Variants in DNMBP observed in about 807,000 individuals in gnomAD.
DNMBP encodes dynamin-binding protein.
DNMBP carries 87 observed loss-of-function variants against 150.0 expected under a neutral mutation model. That is an observed-to-expected ratio of 0.58 (90% CI 0.49 to 0.69). The LOEUF is 0.69. DNMBP is among the 30% of genes least tolerant of loss of function. The probability of loss-of-function intolerance (pLI) is 0.00; values close to 1 mark genes in which losing one functional copy is unlikely to be tolerated. For synonymous variants in DNMBP, 711 were observed against 750.4 expected (o/e 0.95, Z 0.86); for missense variants, 1,774 against 1,949.0 (o/e 0.91, Z 1.69).
Position 99,995,072 on chromosome 10 carries a change from T to TTG in DNMBP, c.-11+14765_-11+14766insCA, listed in dbSNP as rs575533576. 2.3e-3 allele frequency among the ~76,000 whole-genome samples: 343 copies of TTG among 148,204 alleles called. 3 individuals are homozygous for TTG. In the East Asian group the frequency reaches 0.024, roughly 10 times the overall value. ...TTGAAAACAATTTTTTTTTTTTTTTTGAGACAGTCTCACTCTGTTGCCCAG... is the reference window on the plus strand; with the variant it reads ...TTGAAAACAATTTTTTTTTTTTTTTTTGGAGACAGTCTCACTCTGTTGCCCAG... On this transcript the variant is annotated intron_variant, in intron 1 of 16. Transcript: ENST00000324109.
At chr10:99,906,014 T>C (rs1483409122) in intron 6 of DNMBP, among the ~76,000 whole-genome samples, 1 of 152,182 alleles carries the variant, frequency 6.6e-6, no homozygotes, top group Admixed American at 6.5e-5. Context: ...GGGCTGTCTA[T>C]TGTAGAGAAC....
At chr10:99,951,993 C>A (rs1290869837) in intron 4 of DNMBP, among the ~76,000 whole-genome samples, 3 of 152,060 alleles carry the variant, frequency 2.0e-5, no homozygotes, top group Non-Finnish European at 4.4e-5. Flanking sequence ...TGGGAGGGAG[C>A]CGGTGGGAGA....
intron 4 of DNMBP, among the ~76,000 whole-genome samples, chr10:99,913,408 C>T (rs971168999): frequency 1.3e-5 from 2 of 152,154 alleles, no homozygotes; most frequent in Non-Finnish European, 1.5e-5. Context: ...AATATGCCAT[C>T]TGCACCTGAT....
At position 99,956,997 on chromosome 10, in the gene DNMBP, C is replaced by T. The variant is rs763612491; in HGVS notation, c.477G>A (p.Gln159=). ...CCCTGAAGTCCAGCTCTTCATCCAG[C>T]TGAGCAGAAAGCCCCATTAGGGCCC... ...QARALMGLSA[Q]LDEELDFREG... is the part of the protein sequence containing the mutation. Residue 159 remains glutamine (Q), a synonymous_variant, in exon 4 of 17, where the codon CAG becomes CAA. Transcript: ENST00000324109. The T allele has an allele frequency of 4.3e-6, 7 of 1,614,230 alleles. No homozygotes were observed. The Admixed American group carries it at 6.7e-5, about 15-fold the overall frequency.
In DNMBP at chr10:99,973,454, A is replaced by G. The variant is rs1377150367; in HGVS notation, c.-10-1320T>C. On this transcript the variant is annotated intron_variant, in intron 1 of 16. Transcript: ENST00000324109. The stretch of plus-strand genomic sequence containing the variant: ...GGTAATTTTAAAATACAATACTTTA[A>G]AAAGTAGAGATTTTAAATATGGCAT... Among the ~76,000 whole-genome samples, 5 of 152,342 alleles carry G rather than the reference A, an allele frequency of 3.3e-5. No homozygotes were observed. In the East Asian group the frequency reaches 9.6e-4, roughly 29 times the overall value.
intron 4 of DNMBP, among the ~76,000 whole-genome samples, chr10:99,923,223 T>A (rs2040042823): frequency 6.6e-6 from 1 of 152,102 alleles, no homozygotes; most frequent in Non-Finnish European, 1.5e-5. Flanking sequence ...ATCCCGTCTC[T>A]ACTAAAAATA....
intron 4 of DNMBP, among the ~76,000 whole-genome samples, chr10:99,915,706 C>A (rs1425426361): frequency 6.6e-6 from 1 of 152,130 alleles, no homozygotes; most frequent in African/African-American, 2.4e-5. Flanking sequence ...CAGAGTGAGA[C>A]CCTGTGTCAA....
chr10:99,888,945 T>C lies in DNMBP; in HGVS notation c.3165A>G (p.Ala1055=), dbSNP rs769792748. ...SLYLQHIRES[A]CVKVVAAVSM... is the part of the protein sequence containing the mutation. ...TCACAGCAGCCACCACTTTCACACATGCGGACTCCTGGAGCCAGTTAGGAC... is the reference window on the plus strand; with the variant it reads ...TCACAGCAGCCACCACTTTCACACACGCGGACTCCTGGAGCCAGTTAGGAC... The change falls in exon 12 of 17, where the codon GCA becomes GCG. Residue 1055 remains alanine, a synonymous_variant. Coordinates refer to ENST00000324109, the MANE Select transcript of DNMBP (RefSeq NM_015221.4). 28 of 1,614,000 alleles carry C rather than the reference T, an allele frequency of 1.7e-5. No individual in the cohort carries two copies. Among genetic ancestry groups the C allele is most frequent in the Middle Eastern group, 3.3e-4 (2 of 6,084 alleles).
At chr10:99,898,648 T>C in intron 8 of DNMBP, 95 bp downstream of exon 8, 1 of 1,351,006 alleles carries the variant, frequency 7.4e-7, no homozygotes, top group South Asian at 1.2e-5. Context: ...CTTCTAGGTT[T>C]GTCTATAAAG....
intron 1 of DNMBP, among the ~76,000 whole-genome samples, chr10:99,998,380 C>A (rs973826148): frequency 4.6e-5 from 7 of 151,854 alleles, no homozygotes; most frequent in Admixed American, 4.6e-4. Context: ...GAGTTTGAAA[C>A]CACCCTGGGC....
At position 99,943,573 on chromosome 10, in the gene DNMBP, T is replaced by C. The variant is rs377747512; in HGVS notation, c.2260+11641A>G. ...GTACACCACCATATCCAGCTATTTT[T>C]GTATTTCTTTTAGGAACGGGGTCTC... is the stretch of plus-strand genomic sequence containing the variant. On this transcript the variant is annotated intron_variant, in intron 4 of 16. Coordinates refer to ENST00000324109, the MANE Select transcript of DNMBP (RefSeq NM_015221.4). Among the ~76,000 whole-genome samples, 59 of 152,288 alleles carry C rather than the reference T, an allele frequency of 3.9e-4. No homozygotes were observed. The East Asian group carries it at 8.5e-3, about 22-fold the overall frequency.
chr10:99,952,676 T>C (rs2040438157), intron 4 of DNMBP, among the ~76,000 whole-genome samples: 2 of 152,222 alleles, frequency 1.3e-5, no homozygotes, highest in Admixed American at 6.5e-5. Context: ...TGCATAATAG[T>C]CCTTTCCTAA....
intron 4 of DNMBP, among the ~76,000 whole-genome samples, chr10:99,929,352 C>T (rs889999031): frequency 3.3e-5 from 5 of 151,952 alleles, no homozygotes; most frequent in Non-Finnish European, 7.4e-5. Context: ...TCTGAAAAAA[C>T]CAGGAAGCGT....
Position 99,955,909 on chromosome 10 carries a change from T to C in DNMBP, c.1565A>G (p.Glu522Gly). Residue 522 changes from glutamate to glycine, a missense_variant, in exon 4 of 17, where the codon GAG becomes GGG. By Grantham distance (98) the Glu-to-Gly change is moderately conservative (BLOSUM62 -2). Around this residue, in one of 2 missense-constraint regions of DNMBP, gnomAD observed 1,430 missense variants for 1,492.5 expected, o/e 0.96. Coordinates refer to ENST00000324109, the MANE Select transcript of DNMBP (RefSeq NM_015221.4). Reference protein sequence around the residue: ...SSVYSISERLEMKPGPQAQGL... With the variant: ...SSVYSISERLGMKPGPQAQGL... The stretch of plus-strand genomic sequence containing the variant: ...TTGGGCTTGCGGACCAGGCTTCATC[T>C]CCAATCTCTCTGAGATGGAGTAAAC... 1 of 1,614,182 alleles carries C rather than the reference T, an allele frequency of 6.2e-7. No individual in the cohort carries two copies. Among genetic ancestry groups the C allele is most frequent in the South Asian group, 1.1e-5 (1 of 91,086 alleles).
chr10:99,912,867 C>T (rs1442368478), intron 4 of DNMBP, among the ~76,000 whole-genome samples: 6 of 152,184 alleles, frequency 3.9e-5, no homozygotes, highest in Non-Finnish European at 7.3e-5. Context: ...TCAGGTGCCA[C>T]AAACATTTAT....
intron 1 of DNMBP, among the ~76,000 whole-genome samples, chr10:99,989,660 G>A (rs981851334): frequency 3.9e-5 from 6 of 152,120 alleles, no homozygotes; most frequent in African/African-American, 1.4e-4. Context: ...GCAGTGAGCC[G>A]AGATCGCGCC....
At chr10:99,891,824 C>T (rs1281499428) in intron 11 of DNMBP, among the ~76,000 whole-genome samples, 8 of 150,782 alleles carry the variant, frequency 5.3e-5, no homozygotes, top group East Asian at 3.9e-4. Flanking sequence ...TCTGCCCCGC[C>T]GCCCCATCTG....
At chr10:99,915,214 TACACACAC>T (rs10654941) in intron 4 of DNMBP, among the ~76,000 whole-genome samples, 1 of 142,482 alleles carries the variant, frequency 7.0e-6, no homozygotes. Flanking sequence ...CATATATACA[TACACACAC>T]ACACACACAC....
At chr10:100,000,932 G>C (rs1477696631) in intron 1 of DNMBP, among the ~76,000 whole-genome samples, 1 of 144,628 alleles carries the variant, frequency 6.9e-6, no homozygotes, top group African/African-American at 2.5e-5. Context: ...CAACACCAAA[G>C]GACACTGGGG....
Sources: gnomAD v4.1 joint callset for allele counts (sites outside exome capture counted in the v4.1 genomes callset) on GRCh38, gnomAD v4.1.1 for gene constraint, gnomAD v4.1.1 regional missense constraint, MANE v1.5 for transcripts, NCBI Gene and HGNC (gene_info 2026-07-23, HGNC 2026-07-21) for gene names.